GCM1: variants seen among roughly 807,000 people sequenced by gnomAD.
The protein encoded by GCM1 is GCM transcription factor 1.
A neutral mutation model predicts 25.7 loss-of-function variants in GCM1; 2 were observed. The observed-to-expected ratio is 0.08, with a 90% CI of 0.03 to 0.24. The LOEUF (loss-of-function observed/expected upper bound fraction) is 0.24, where lower values mean the gene tolerates loss of function less well. GCM1 is among the 10% of genes least tolerant of loss of function. The pLI is 1.00. For missense variants in GCM1, 395 were observed against 538.7 expected, an observed-to-expected ratio of 0.73 and a Z score of 2.64; for synonymous variants, 183 against 195.7, an observed-to-expected ratio of 0.94 and a Z score of 0.54.
At chr6:53,141,961 G>A (rs1307467486) in intron 2 of GCM1, among the ~76,000 whole-genome samples, 3 of 117,886 alleles carry the variant, frequency 2.5e-5, no homozygotes, top group Non-Finnish European at 3.3e-5. Context: ...CTATGATTGC[G>A]CCACTGCACT....
At chr6:53,134,409 T>C in intron 2 of GCM1, 85 bp from the exon 3 acceptor site, 1 of 1,325,644 alleles carries the variant, frequency 7.5e-7, no homozygotes, top group Non-Finnish European at 1.1e-6. Context: ...ATAGGAAGGA[T>C]GTTTTGGCAT....
intron 2 of GCM1, among the ~76,000 whole-genome samples, chr6:53,141,688 AAAAGAAAG>A (rs113152737): frequency 9.9e-5 from 15 of 151,530 alleles, no homozygotes; most frequent in South Asian, 6.3e-4. Context: ...CTCTGTCTGA[AAAAGAAAG>A]AAAGAAAGAA....
chr6:53,148,195 T>C (rs925786942), intron 1 of GCM1, among the ~76,000 whole-genome samples: 7 of 152,240 alleles, frequency 4.6e-5, no homozygotes, highest in Non-Finnish European at 1.0e-4. Context: ...AAGATGCAGA[T>C]ACCAAGCAGC....
In GCM1 at chr6:53,148,734, G is replaced by A. The variant is rs1007375627; in HGVS notation, c.-137+20C>T. ...ACATCCCTTACATTTGCCTCTCCAC[G>A]GGATTTCTGGCTTTCTTACCTTCTA... On this transcript the variant is annotated intron_variant, in intron 1 of 5. Coordinates refer to ENST00000259803, the MANE Select transcript of GCM1 (RefSeq NM_003643.4). 2 of 152,264 alleles carry A rather than the reference G, an allele frequency of 1.3e-5. No individual in the cohort carries two copies. The highest frequency in any genetic ancestry group is 4.8e-5 in the African/African-American group (2 of 41,550). The allele number at this position is 152,264 out of a possible 1,614,324, so 9.4% of individuals were successfully genotyped here.
intron 2 of GCM1, among the ~76,000 whole-genome samples, chr6:53,141,487 A>G (rs1763872191): frequency 1.3e-5 from 2 of 152,166 alleles, no homozygotes; most frequent in South Asian, 4.2e-4. Flanking sequence ...GGAGATCGAG[A>G]CCATCCTGGC....
rs1300125177 is a variant in GCM1 at position 53,147,494 on chromosome 6, T to G, written c.-137+1260A>C. Among the ~76,000 whole-genome samples the G allele has an allele frequency of 3.4e-5, 5 of 145,448 alleles. No individual in the cohort carries two copies. The South Asian group carries it at 1.2e-3, about 35-fold the overall frequency. ...CCCAGGCTGGAGTGCAGTGGCGCAA[T>G]CTCAGCTCACCATAGCCTCCACCTC... On this transcript the variant is annotated intron_variant, in intron 1 of 5. Coordinates refer to ENST00000259803, the MANE Select transcript of GCM1 (RefSeq NM_003643.4).
intron 1 of GCM1, among the ~76,000 whole-genome samples, chr6:53,146,269 G>A (rs1763957269): frequency 6.8e-6 from 1 of 145,996 alleles, no homozygotes; most frequent in Non-Finnish European, 1.5e-5. Context: ...ACCCAGGCTG[G>A]AGTGCAATGG....
At chr6:53,133,159 C>A (rs1374668170) in intron 3 of GCM1, among the ~76,000 whole-genome samples, 1 of 152,084 alleles carries the variant, frequency 6.6e-6, no homozygotes, top group African/African-American at 2.4e-5. Flanking sequence ...AACATTAACC[C>A]CTGAAGGGAT....
intron 5 of GCM1, among the ~76,000 whole-genome samples, chr6:53,129,571 G>A (rs546328716): frequency 2.5e-4 from 38 of 152,308 alleles, no homozygotes; most frequent in African/African-American, 9.1e-4. Context: ...ACAGTGCCTG[G>A]CCTCTAATTG....
intron 3 of GCM1, among the ~76,000 whole-genome samples, chr6:53,132,471 G>A (rs959910147): frequency 6.6e-6 from 1 of 152,212 alleles, no homozygotes; most frequent in African/African-American, 2.4e-5. Flanking sequence ...AGCACTTTGG[G>A]AGGCCAAGGC....
intron 2 of GCM1, among the ~76,000 whole-genome samples, chr6:53,140,494 A>C (rs1389475182): frequency 1.4e-5 from 2 of 143,522 alleles, no homozygotes; most frequent in Non-Finnish European, 3.0e-5. Flanking sequence ...TTTGCAGTTG[A>C]CTTTACTATT....
At chr6:53,147,437 T>G (rs9474407) in intron 1 of GCM1, among the ~76,000 whole-genome samples, 1 of 133,498 alleles carries the variant, frequency 7.5e-6, no homozygotes, top group South Asian at 2.2e-4. Flanking sequence ...TTTTTTTTTT[T>G]TTTTTTTTTT....
chr6:53,148,202 C>G (rs1447258777), intron 1 of GCM1, among the ~76,000 whole-genome samples: 1 of 152,212 alleles, frequency 6.6e-6, no homozygotes, highest in Non-Finnish European at 1.5e-5. Context: ...AGATACCAAG[C>G]AGCAGTTCCG....
intron 2 of GCM1, among the ~76,000 whole-genome samples, chr6:53,136,758 T>G (rs554302989): frequency 1.3e-5 from 2 of 152,132 alleles, no homozygotes; most frequent in East Asian, 3.9e-4. Context: ...GTGGATCACC[T>G]GAGGTCAGGA....
At position 53,142,037 on chromosome 6, in the gene GCM1, A is replaced by C. The variant is rs1276030780; in HGVS notation, c.75+3521T>G. Among the ~76,000 whole-genome samples, 28 of 132,306 alleles carry C rather than the reference A, an allele frequency of 2.1e-4. 1 individual carries two copies. The highest frequency in any genetic ancestry group is 3.0e-4 in the Non-Finnish European group (19 of 63,236). The allele number at this position is 132,306 out of a possible 152,430, so 86.8% of individuals were successfully genotyped here. On this transcript the variant is annotated intron_variant, in intron 2 of 5. Transcript: ENST00000259803. ...AAAAAAAAAAAAAAAAAAAAAAAAA[A>C]AAAACAGAAAGAAAAAGAAAGAAAG...
At chr6:53,142,585 A>G (rs1763890761) in intron 2 of GCM1, among the ~76,000 whole-genome samples, 1 of 152,252 alleles carries the variant, frequency 6.6e-6, no homozygotes, top group Non-Finnish European at 1.5e-5. Context: ...GAGGCAGGAT[A>G]TGTGGAGAAT....
chr6:53,128,282 A>G lies in GCM1; in HGVS notation c.1235T>C (p.Phe412Ser), dbSNP rs1763672941. The G allele has an allele frequency of 6.2e-7, 1 of 1,613,754 alleles. No homozygotes were observed. Among genetic ancestry groups the G allele is most frequent in the South Asian group, 1.1e-5 (1 of 91,084 alleles). ...SLPSKSSKWD[F>S]EEEMTYLGLD... The stretch of plus-strand genomic sequence containing the variant: ...ACCCAAGTATGTCATTTCTTCCTCA[A>G]AATCCCATTTGCTGCTCTTGCTTGG... Residue 412 changes from phenylalanine to serine, a missense_variant, in exon 6 of 6, where the codon TTT becomes TCT. Around this residue, in one of 5 missense-constraint regions of GCM1, gnomAD observed 291 missense variants for 314.6 expected, o/e 0.92. Transcript: ENST00000259803.
Position 53,130,820 on chromosome 6 carries a change from C to T in GCM1, c.553G>A (p.Gly185Arg), listed in dbSNP as rs147443619. Residue 185 changes from glycine (G) to arginine (R), a missense_variant, in exon 5 of 6, where the codon GGG becomes AGG. Gly to Arg is a moderately radical substitution (Grantham distance 125, BLOSUM62 -2). This residue lies in a region of GCM1 where 291 missense variants were observed against 314.6 expected (regional missense o/e 0.92). Coordinates refer to ENST00000259803, the MANE Select transcript of GCM1 (RefSeq NM_003643.4). ...AGGATTACCCTGGTCTCTGTGCTCCCCTTCAGGCTCAATGAGACGGAGGAA... is the reference window on the plus strand; with the variant it reads ...AGGATTACCCTGGTCTCTGTGCTCCTCTTCAGGCTCAATGAGACGGAGGAA... The part of the protein sequence containing the change: ...APSSVSLSLK[G>R]STETRSLPGE... 434 of 1,613,728 alleles carry T rather than the reference C, an allele frequency of 2.7e-4. No homozygotes were observed. Among genetic ancestry groups the T allele is most frequent in the Non-Finnish European group, 3.5e-4 (418 of 1,179,746 alleles).
rs1360398627 is a variant in GCM1 at position 53,128,147 on chromosome 6, ATTCT to A, written c.*55_*58del. The A allele has an allele frequency of 3.9e-5, 53 of 1,350,056 alleles. No individual in the cohort carries two copies. The highest frequency in any genetic ancestry group is 2.6e-4 in the African/African-American group (18 of 68,972). The allele number at this position is 1,350,056 out of a possible 1,614,324, so 83.6% of individuals were successfully genotyped here. ...GTTTTAAAAATTATTTCCTAAGGAAATTCTTTCAGCCCTTCCCCATTTTTGAGGG... is the reference window on the plus strand; with the variant it reads ...GTTTTAAAAATTATTTCCTAAGGAAATTCAGCCCTTCCCCATTTTTGAGGG... On this transcript the variant is annotated 3_prime_UTR_variant, in exon 6 of 6. Coordinates refer to ENST00000259803, the MANE Select transcript of GCM1 (RefSeq NM_003643.4).
Sources: gnomAD v4.1 joint callset for allele counts (sites outside exome capture counted in the v4.1 genomes callset) on GRCh38, gnomAD v4.1.1 for gene constraint, gnomAD v4.1.1 regional missense constraint, MANE v1.5 for transcripts, NCBI Gene and HGNC (gene_info 2026-07-23, HGNC 2026-07-21) for gene names.